Variants in SYCP1 observed in about 807,000 individuals in gnomAD.
SYCP1 encodes cancer/testis antigen 8.
In SYCP1, 64 loss-of-function variants were observed where a neutral mutation model predicts 153.1. The ratio of observed to expected loss-of-function variants is 0.42; its 90% CI spans 0.34 to 0.51. The LOEUF is 0.51. SYCP1 is among the 20% of genes least tolerant of loss of function. The pLI is 0.06. For synonymous variants in SYCP1, 384 were observed against 341.8 expected (o/e 1.12, Z -1.36); for missense variants, 997 against 1,049.0 (o/e 0.95, Z 0.68).
intron 23 of SYCP1, among the ~76,000 whole-genome samples, chr1:114,935,652 G>A (rs1195695004): frequency 2.0e-5 from 3 of 152,082 alleles, no homozygotes; most frequent in Non-Finnish European, 4.4e-5. Flanking sequence ...TTGACAGACT[G>A]CTAGCAAGAC....
At chr1:114,912,680 A>G in intron 18 of SYCP1, among the ~76,000 whole-genome samples, 1 of 152,020 alleles carries the variant, frequency 6.6e-6, no homozygotes, top group African/African-American at 2.4e-5. Flanking sequence ...GTTTGAAATA[A>G]CTTCTAAGAG....
At chr1:114,904,847 G>A (rs1456389386) in intron 16 of SYCP1, among the ~76,000 whole-genome samples, 1 of 152,112 alleles carries the variant, frequency 6.6e-6, no homozygotes, top group South Asian at 2.1e-4. Context: ...CAGGTTTTTT[G>A]TAGAAAGTTC....
At chr1:114,885,760 C>T in intron 13 of SYCP1, 131 bp downstream of exon 13, 1 of 561,190 alleles carries the variant, frequency 1.8e-6, no homozygotes, top group Non-Finnish European at 3.1e-6. Context: ...CAATCCTAGT[C>T]TGCAAAATGC....
chr1:114,913,009 A>T (rs919369351), intron 18 of SYCP1, 24 bp from the exon 19 acceptor site: 7 of 1,508,214 alleles, frequency 4.6e-6, no homozygotes, highest in African/African-American at 1.4e-5. Flanking sequence ...ATATTTTGGT[A>T]TGACTTTTTT....
At chr1:114,863,731 T>C (rs1468530883) in intron 8 of SYCP1, among the ~76,000 whole-genome samples, 1 of 152,170 alleles carries the variant, frequency 6.6e-6, no homozygotes, top group African/African-American at 2.4e-5. Flanking sequence ...ATAAATGTCT[T>C]CTTTTGAGAA....
At chr1:114,990,109 A>G (rs1321240087) in intron 30 of SYCP1, among the ~76,000 whole-genome samples, 3 of 151,920 alleles carry the variant, frequency 2.0e-5, no homozygotes, top group African/African-American at 7.2e-5. Flanking sequence ...CACAAATCTC[A>G]TAGGTTTTAA....
At chr1:114,961,682 TA>T (rs1174581266) in intron 27 of SYCP1, among the ~76,000 whole-genome samples, 1 of 152,256 alleles carries the variant, frequency 6.6e-6, no homozygotes, top group Non-Finnish European at 1.5e-5. Flanking sequence ...TTTCCAATTT[TA>T]TTCCACTGTG....
At chr1:114,940,260 C>T (rs1670301731) in intron 23 of SYCP1, among the ~76,000 whole-genome samples, 1 of 151,890 alleles carries the variant, frequency 6.6e-6, no homozygotes, top group African/African-American at 2.4e-5. Flanking sequence ...TCCATGCCGG[C>T]TAATTTTTGT....
At chr1:114,867,704 A>G (rs974888991) in intron 8 of SYCP1, among the ~76,000 whole-genome samples, 2 of 152,038 alleles carry the variant, frequency 1.3e-5, no homozygotes, top group Non-Finnish European at 2.9e-5. Context: ...TTATCTGTGA[A>G]TAAAGTAGTT....
chr1:114,961,976 C>CTTTTTTT (rs562251009), intron 27 of SYCP1, among the ~76,000 whole-genome samples: 2 of 124,418 alleles, frequency 1.6e-5, no homozygotes, highest in Non-Finnish European at 3.4e-5. Flanking sequence ...TGCCATCTAT[C>CTTTTTTT]TTTTTTTTTT....
At chr1:114,857,392 T>C in intron 4 of SYCP1, 52 bp from the exon 5 acceptor site, 1 of 1,538,400 alleles carries the variant, frequency 6.5e-7, no homozygotes, top group Non-Finnish European at 8.8e-7. Context: ...ATTGTTATTA[T>C]TTAGAAGCTC....
chr1:114,875,261 CTTTTTTTT>C (rs561059800), intron 9 of SYCP1, among the ~76,000 whole-genome samples: 1 of 112,024 alleles, frequency 8.9e-6, no homozygotes, highest in Non-Finnish European at 1.9e-5. Context: ...ACTTTGTCTT[CTTTTTTTT>C]TTTTTTTTTT....
chr1:114,889,192 A>G (rs1365905239), intron 15 of SYCP1, among the ~76,000 whole-genome samples: 1 of 152,196 alleles, frequency 6.6e-6, no homozygotes, highest in Admixed American at 6.5e-5. Context: ...TTATAGTAGC[A>G]TGATTTATAA....
intron 30 of SYCP1, among the ~76,000 whole-genome samples, chr1:114,985,662 T>A (rs1557853966): frequency 6.6e-6 from 1 of 151,918 alleles, no homozygotes; most frequent in Non-Finnish European, 1.5e-5. Context: ...AATGAGTAGT[T>A]GAAGTCTTAA....
At position 114,943,268 on chromosome 1, in the gene SYCP1, T is replaced by C. The variant is rs1670500162; in HGVS notation, c.1927-1071T>C. ...CTAGGTATATACTATAGAGAAATTC[T>C]ACATTTGCACCAGGAGGTGTTTACA... On this transcript the variant is annotated intron_variant, in intron 23 of 31. Coordinates refer to ENST00000369522, the MANE Select transcript of SYCP1 (RefSeq NM_003176.4). Among the ~76,000 whole-genome samples, 10 of 151,976 alleles carry C rather than the reference T, an allele frequency of 6.6e-5. 1 individual carries two copies. In the South Asian group the frequency reaches 2.1e-3, roughly 31 times the overall value.
rs61730057 is a variant in SYCP1 at position 114,874,554 on chromosome 1, A to G, written c.647A>G (p.Asn216Ser). The change falls in exon 9 of 32, where the codon AAT (asparagine) becomes AGT (serine). Residue 216 changes from asparagine (N) to serine (S), a missense_variant. Transcript: ENST00000369522. The stretch of plus-strand genomic sequence containing the variant: ...AGGCAAGTTTATATGGATCTAAATA[A>G]TAACATTGAGGTGAGTGTTAATGAA... ...ETRQVYMDLN[N>S]NIEKMITAFE... 27,249 of 1,573,522 alleles carry G rather than the reference A, an allele frequency of 0.017. 331 individuals are homozygous for G. The highest frequency in any genetic ancestry group is 0.021 in the Non-Finnish European group (24,445 of 1,156,158).
intron 27 of SYCP1, among the ~76,000 whole-genome samples, chr1:114,965,569 G>GT (rs1672064208): frequency 6.6e-6 from 1 of 152,038 alleles, no homozygotes; most frequent in African/African-American, 2.4e-5. Context: ...TAGCATGAAG[G>GT]GGTGTTGAAT....
chr1:114,856,921 C>CAAAAAAAAAA (rs758650224), intron 3 of SYCP1, among the ~76,000 whole-genome samples: 10 of 37,280 alleles, frequency 2.7e-4, no homozygotes, highest in African/African-American at 9.8e-4. Context: ...CCTGTCTGTA[C>CAAAAAAAAAA]AAAAAAAAAA....
At chr1:114,904,433 T>C (rs1170677542) in intron 16 of SYCP1, among the ~76,000 whole-genome samples, 1 of 152,148 alleles carries the variant, frequency 6.6e-6, no homozygotes. Flanking sequence ...AGCTTTTCTA[T>C]ACCTTAAAAA....
Sources: allele counts gnomAD v4.1 joint callset (sites outside exome capture counted in the v4.1 genomes callset), GRCh38; gene constraint gnomAD v4.1.1; transcripts MANE v1.5; gene names NCBI Gene and HGNC (gene_info 2026-07-23, HGNC 2026-07-21).